Variants in ZEB2 observed in about 807,000 individuals in gnomAD.
The protein encoded by ZEB2 is zinc finger E-box binding homeobox 2.
In ZEB2, 6 loss-of-function variants were observed where a neutral mutation model predicts 99.9. That is an observed-to-expected ratio of 0.06 (90% CI 0.03 to 0.12). ZEB2 has a LOEUF of 0.12. Ranked by LOEUF, ZEB2 falls within the 10% of genes least tolerant of loss-of-function variation. The pLI, the probability that ZEB2 is intolerant of heterozygous loss-of-function variation, is 1.00. For synonymous variants in ZEB2, 517 were observed against 542.5 expected, an observed-to-expected ratio of 0.95 and a Z score of 0.65; for missense variants, 969 against 1,502.8, an observed-to-expected ratio of 0.64 and a Z score of 5.87.
At chr2:144,460,049 C>T (rs530341479) in intron 2 of ZEB2, among the ~76,000 whole-genome samples, 2 of 152,244 alleles carry the variant, frequency 1.3e-5, no homozygotes, top group African/African-American at 2.4e-5. Flanking sequence ...CTGCATAAGA[C>T]AGGGTTGCTG....
intron 7 of ZEB2, 114 bp from the exon 8 acceptor site, chr2:144,400,384 T>C (rs894218415): frequency 1.5e-5 from 17 of 1,135,410 alleles, no homozygotes; most frequent in Non-Finnish European, 1.7e-5. Context: ...GGGGTACCTC[T>C]ACATTCTAGG....
intron 3 of ZEB2, chr2:144,429,450 G>A (rs1002836823): frequency 5.5e-6 from 2 of 360,996 alleles, no homozygotes; most frequent in African/African-American, 4.2e-5. Flanking sequence ...TATCATGAAA[G>A]TATAGATCTT....
chr2:144,518,027 G>GT, intron 1 of ZEB2: 1 of 220,882 alleles, frequency 4.5e-6, no homozygotes, highest in South Asian at 5.4e-5. Flanking sequence ...AAGATTTCCC[G>GT]TTTTACGCCG....
intron 2 of ZEB2, among the ~76,000 whole-genome samples, chr2:144,470,859 G>A (rs1704345645): frequency 6.6e-6 from 1 of 152,076 alleles, no homozygotes; most frequent in Non-Finnish European, 1.5e-5. Context: ...TTGCCATTCA[G>A]TTATGTACCC....
intron 2 of ZEB2, chr2:144,513,134 T>C (rs1389627570): frequency 1.6e-6 from 2 of 1,285,660 alleles, no homozygotes; most frequent in East Asian, 1.1e-4. Flanking sequence ...TTGACTGCAT[T>C]TTCTTTCCTT....
At chr2:144,407,964 A>T (rs774178444) in intron 4 of ZEB2, among the ~76,000 whole-genome samples, 1 of 152,210 alleles carries the variant, frequency 6.6e-6, no homozygotes, top group African/African-American at 2.4e-5. Flanking sequence ...ATGCAAATTC[A>T]ATTGGATTTG....
chr2:144,399,135 A>G lies in ZEB2; in HGVS notation c.2052T>C (p.Pro684=), dbSNP rs545110789. The part of the protein sequence containing the change: ...LLKISIAVGL[P]QEFVKEWFEQ... Reference sequence around the variant, plus strand: ...CAAACCATTCCTTCACAAATTCCTGAGGAAGGCCCACAGCAATGGAAATTT... The same window carrying G: ...CAAACCATTCCTTCACAAATTCCTGGGGAAGGCCCACAGCAATGGAAATTT... The change falls in exon 8 of 10, where the codon CCT becomes CCC. Residue 684 remains proline (P), a synonymous_variant. Transcript: ENST00000627532. The surrounding 1 kb of genome is among the most constrained non-coding windows in gnomAD (Gnocchi z 5.6). The G allele has an allele frequency of 3.7e-6, 6 of 1,614,128 alleles. No individual in the cohort carries two copies. The highest frequency in any genetic ancestry group is 1.3e-5 in the African/African-American group (1 of 75,022).
At chr2:144,426,424 G>A (rs536315304) in intron 3 of ZEB2, 5 of 151,838 alleles carry the variant, frequency 3.3e-5, no homozygotes, top group South Asian at 2.1e-4. Context: ...ATGTGATTTC[G>A]GGTAGCCAAG....
chr2:144,440,510 TATATA>T (rs1455901148), intron 2 of ZEB2, among the ~76,000 whole-genome samples: 4 of 5,354 alleles, frequency 7.5e-4, no homozygotes, highest in Admixed American at 9.0e-3. Context: ...TATATATATA[TATATA>T]TTTTTTTTTT....
At chr2:144,417,118 T>C (rs1382910043) in intron 4 of ZEB2, among the ~76,000 whole-genome samples, 1 of 152,240 alleles carries the variant, frequency 6.6e-6, no homozygotes. Context: ...TCTTTTGTGA[T>C]GACTAACAAA....
intron 2 of ZEB2, among the ~76,000 whole-genome samples, chr2:144,431,735 T>C (rs973263129): frequency 5.6e-5 from 5 of 88,536 alleles, no homozygotes; most frequent in Middle Eastern, 5.7e-3. Flanking sequence ...GTACAATCAA[T>C]AATGTGCTTC....
At chr2:144,509,363 T>C (rs1377445943) in intron 2 of ZEB2, among the ~76,000 whole-genome samples, 1 of 152,130 alleles carries the variant, frequency 6.6e-6, no homozygotes, top group African/African-American at 2.4e-5. Context: ...GCTTGGGTCA[T>C]GGGGGTGGAT....
At chr2:144,411,057 C>CTATATATATA (rs4008310) in intron 4 of ZEB2, among the ~76,000 whole-genome samples, 7 of 40,776 alleles carry the variant, frequency 1.7e-4, no homozygotes, top group East Asian at 8.9e-4. Flanking sequence ...ACAGACATGT[C>CTATATATATA]TATATATATA....
In ZEB2 at chr2:144,455,246, A is replaced by G. The variant is rs562060941; in HGVS notation, c.74-25220T>C. ...TTGCTAACAACAAGCAGCCTGCTCT[A>G]TCAAAAGAGAATATCATACAACCAG... On this transcript the variant is annotated intron_variant, in intron 2 of 9. Coordinates refer to ENST00000627532, the MANE Select transcript of ZEB2 (RefSeq NM_014795.4). The G allele has an allele frequency of 1.4e-4, 21 of 152,324 alleles. No homozygotes were observed. In the East Asian group the frequency reaches 2.9e-3, roughly 21 times the overall value. 9.4% of individuals were successfully genotyped at this position (152,324 alleles called of 1,614,324 possible).
At chr2:144,499,670 A>G (rs760373664) in intron 2 of ZEB2, among the ~76,000 whole-genome samples, 41 of 152,202 alleles carry the variant, frequency 2.7e-4, no homozygotes, top group Non-Finnish European at 4.7e-4. Context: ...TAAAAATTTA[A>G]TCTCAAGTAT....
chr2:144,422,461 T>C (rs889775637), intron 4 of ZEB2, among the ~76,000 whole-genome samples: 25 of 152,188 alleles, frequency 1.6e-4, no homozygotes, highest in African/African-American at 5.6e-4. Flanking sequence ...TCACAAAACC[T>C]GATGTGAATG....
chr2:144,472,773 T>C (rs571604878), intron 2 of ZEB2, among the ~76,000 whole-genome samples: 2 of 151,832 alleles, frequency 1.3e-5, no homozygotes, highest in Non-Finnish European at 2.9e-5. Context: ...ATGTATACCA[T>C]GAGAAGAGTT....
intron 2 of ZEB2, chr2:144,503,642 G>GA (rs1704906208): frequency 6.6e-6 from 1 of 151,822 alleles, no homozygotes; most frequent in African/African-American, 2.4e-5. Context: ...ACATCAAGGA[G>GA]AAAAAATGTT....
chr2:144,503,149 A>G (rs112271612), intron 2 of ZEB2, among the ~76,000 whole-genome samples: 3,805 of 152,290 alleles, frequency 0.025, 71 homozygotes, highest in Admixed American at 0.053. Flanking sequence ...CTGGCAATCT[A>G]TTTATTTCCA....
Sources: allele counts gnomAD v4.1 joint callset (sites outside exome capture counted in the v4.1 genomes callset), GRCh38; gene constraint gnomAD v4.1.1; non-coding constraint Gnocchi (gnomAD v3.1); transcripts MANE v1.5; gene names NCBI Gene and HGNC (gene_info 2026-07-23, HGNC 2026-07-21).